TRAT1: variants seen among roughly 807,000 people sequenced by gnomAD.
The protein encoded by TRAT1 is T-cell receptor-associated transmembrane adapter 1.
A neutral mutation model predicts 20.0 loss-of-function variants in TRAT1; 20 were observed. The ratio of observed to expected loss-of-function variants is 1.00; its 90% confidence interval spans 0.70 to 1.45. The LOEUF is 1.45. Among genes scored for constraint, TRAT1 ranks in the 40% most tolerant of loss-of-function variants. The pLI is 0.00. For missense variants in TRAT1, 237 were observed against 224.1 expected, an observed-to-expected ratio of 1.06 and a Z score of -0.37; for synonymous variants, 77 against 74.2, an observed-to-expected ratio of 1.04 and a Z score of -0.20.
In TRAT1 at chr3:108,853,993, T is replaced by G. The variant is rs1488600390; in HGVS notation, c.*116T>G. On this transcript the variant is annotated 3_prime_UTR_variant, in exon 6 of 6. Transcript: ENST00000295756. ...GCAGGGTGATGACCTGATCATTTGTTGATGGGATGGTGGCTTACCTCTTAT... is the reference window on the plus strand; with the variant it reads ...GCAGGGTGATGACCTGATCATTTGTGGATGGGATGGTGGCTTACCTCTTAT... 1.3e-5 allele frequency: 12 copies of G among 953,272 alleles called. No homozygotes were observed. Among genetic ancestry groups the G allele is most frequent in the African/African-American group, 4.9e-5 (3 of 61,132 alleles). The allele number at this position is 953,272 out of a possible 1,614,324, so 59.1% of individuals were successfully genotyped here. A position where few individuals can be genotyped will look rare whatever the true frequency, so the allele number is the denominator to read the frequency against.
chr3:108,842,290 T>C (rs994232987), intron 3 of TRAT1, among the ~76,000 whole-genome samples: 1 of 152,232 alleles, frequency 6.6e-6, no homozygotes, highest in Non-Finnish European at 1.5e-5. Flanking sequence ...CGGTGATTTC[T>C]TGAATTTCTG....
In TRAT1 at chr3:108,823,749, T is replaced by C. The variant is rs1473720500; in HGVS notation, c.7+815T>C. Among the ~76,000 whole-genome samples the C allele has an allele frequency of 2.0e-5, 3 of 152,334 alleles. No homozygotes were observed. The East Asian group carries it at 5.8e-4, about 29-fold the overall frequency. ...ATATATCCAGCTTTTTTCACTAACA[T>C]AACCATGTCCCTTTTAATATAACTT... On this transcript the variant is annotated intron_variant, in intron 1 of 5. Transcript: ENST00000295756.
intron 1 of TRAT1, among the ~76,000 whole-genome samples, chr3:108,829,654 G>T (rs984253980): frequency 2.7e-5 from 4 of 149,930 alleles, no homozygotes; most frequent in African/African-American, 7.4e-5. Flanking sequence ...ATATTATGGT[G>T]GTCCCTTAAG....
chr3:108,849,299 T>A, intron 5 of TRAT1, 45 bp downstream of exon 5: 1 of 1,497,256 alleles, frequency 6.7e-7, no homozygotes, highest in East Asian at 2.3e-5. Flanking sequence ...TTCAAGAGCA[T>A]AAGAGTAGTA....
intron 5 of TRAT1, among the ~76,000 whole-genome samples, chr3:108,852,860 G>A (rs1035572206): frequency 2.0e-5 from 3 of 152,210 alleles, no homozygotes; most frequent in African/African-American, 7.2e-5. Flanking sequence ...GGATTCAGTC[G>A]TAGTCTTTCC....
chr3:108,831,914 T>A (rs1945798103), intron 2 of TRAT1, among the ~76,000 whole-genome samples: 1 of 152,058 alleles, frequency 6.6e-6, no homozygotes, highest in Admixed American at 6.6e-5. Context: ...AAAGAAAAGA[T>A]AAATGCATTT....
intron 1 of TRAT1, among the ~76,000 whole-genome samples, chr3:108,829,338 C>T (rs1032064423): frequency 2.0e-5 from 3 of 152,018 alleles, no homozygotes; most frequent in Admixed American, 6.6e-5. Flanking sequence ...AATCCCAGCA[C>T]TTTGGGAGGC....
At chr3:108,839,877 G>A (rs766614418) in intron 3 of TRAT1, among the ~76,000 whole-genome samples, 5 of 151,856 alleles carry the variant, frequency 3.3e-5, no homozygotes, top group Admixed American at 6.6e-5. Context: ...GGCATAAATC[G>A]TAGTAAGGAA....
At position 108,849,224 on chromosome 3, in the gene TRAT1, T is replaced by C. The variant is rs1244005648; in HGVS notation, c.273T>C (p.Asn91=). ...AAGCCCGACCAGAGAAATCTGTAAA[T>C]AAGATGCAGGAAGCCACCCCATCTG... is the stretch of plus-strand genomic sequence containing the variant. ...QMKARPEKSV[N]KMQEATPSAQ... Residue 91 remains asparagine, a synonymous_variant, in exon 5 of 6, where the codon AAT becomes AAC. Transcript: ENST00000295756. 2 of 1,614,114 alleles carry C rather than the reference T, an allele frequency of 1.2e-6. No homozygotes were observed. The highest frequency in any genetic ancestry group is 2.2e-5 in the South Asian group (2 of 91,076).
intron 2 of TRAT1, among the ~76,000 whole-genome samples, chr3:108,835,922 TTTATTTATTTA>T (rs1945836020): frequency 6.6e-6 from 1 of 151,080 alleles, no homozygotes; most frequent in African/African-American, 2.4e-5. Context: ...TATTTATTTA[TTTATTTATTTA>T]TTTTTTGAGA....
At chr3:108,839,226 A>G (rs1030845726) in intron 3 of TRAT1, 4 of 467,200 alleles carry the variant, frequency 8.6e-6, no homozygotes, top group African/African-American at 4.0e-5. Flanking sequence ...CTATAGAATT[A>G]TCATTAATTT....
chr3:108,838,344 GATAT>G (rs754291216), intron 2 of TRAT1, among the ~76,000 whole-genome samples: 78 of 86,846 alleles, frequency 9.0e-4, no homozygotes, highest in African/African-American at 4.1e-3. Context: ...ATAGATGATA[GATAT>G]AGATAGATGA....
At chr3:108,833,246 C>T (rs1003725804) in intron 2 of TRAT1, among the ~76,000 whole-genome samples, 2 of 152,102 alleles carry the variant, frequency 1.3e-5, no homozygotes, top group Admixed American at 6.6e-5. Context: ...GGAGAAACTC[C>T]ATCTCTACTA....
chr3:108,835,404 A>C (rs909123603), intron 2 of TRAT1, among the ~76,000 whole-genome samples: 2 of 152,246 alleles, frequency 1.3e-5, no homozygotes, highest in Non-Finnish European at 2.9e-5. Flanking sequence ...ATCACCAGGC[A>C]GCTTTTAAAT....
chr3:108,826,423 G>A (rs987677660), intron 1 of TRAT1, among the ~76,000 whole-genome samples: 9 of 152,172 alleles, frequency 5.9e-5, no homozygotes, highest in South Asian at 4.1e-4. Context: ...AAACAGCATG[G>A]TATTTTACTT....
At chr3:108,850,282 C>A (rs1225767832) in intron 5 of TRAT1, among the ~76,000 whole-genome samples, 5 of 150,662 alleles carry the variant, frequency 3.3e-5, no homozygotes. Flanking sequence ...TTAGATAAAT[C>A]CCCTAAGAAA....
chr3:108,839,078 A>G, intron 3 of TRAT1, 111 bp downstream of exon 3: 1 of 819,032 alleles, frequency 1.2e-6, no homozygotes, highest in Non-Finnish European at 2.1e-6. Flanking sequence ...TTAAAATGAA[A>G]TGAAAAGTGA....
chr3:108,849,103 T>C, intron 4 of TRAT1, 63 bp from the exon 5 acceptor site: 1 of 1,360,356 alleles, frequency 7.4e-7, no homozygotes, highest in South Asian at 1.2e-5. Context: ...GGATCATGTA[T>C]TTTTAATCAT....
In TRAT1 at chr3:108,824,006, G is replaced by T. The variant is rs1475431628; in HGVS notation, c.7+1072G>T. On this transcript the variant is annotated intron_variant, in intron 1 of 5. Transcript: ENST00000295756. Reference sequence around the variant, plus strand: ...CCTGCCTCAACCTCCTGAGTATCTGGGACTACAGGCGCGTGCCACCACGCC... The same window carrying T: ...CCTGCCTCAACCTCCTGAGTATCTGTGACTACAGGCGCGTGCCACCACGCC... 2.0e-5 allele frequency among the ~76,000 whole-genome samples: 3 copies of T among 151,992 alleles called. No homozygotes were observed. In the East Asian group the frequency reaches 5.8e-4, roughly 29 times the overall value.
Sources: gnomAD v4.1 joint callset for allele counts (sites outside exome capture counted in the v4.1 genomes callset) on GRCh38, gnomAD v4.1.1 for gene constraint, MANE v1.5 for transcripts, NCBI Gene and HGNC (gene_info 2026-07-23, HGNC 2026-07-21) for gene names.